The following MAPKAP1 variants were observed in gnomAD, a reference collection of about 807,000 sequenced individuals.
The protein encoded by MAPKAP1 is MAPK associated protein 1, also known as target of rapamycin complex 2 subunit MAPKAP1.
MAPKAP1 carries 20 observed loss-of-function variants against 65.7 expected under a neutral mutation model. The observed-to-expected ratio is 0.30, with a 90% CI of 0.21 to 0.44. The LOEUF is 0.44. Ranked by LOEUF, MAPKAP1 falls within the 20% of genes least tolerant of loss-of-function variation. MAPKAP1 has a pLI of 1.00. For missense variants in MAPKAP1, 423 were observed against 648.0 expected (o/e 0.65, Z 3.77); for synonymous variants, 222 against 244.3 (o/e 0.91, Z 0.85).
At chr9:125,631,713 A>T (rs1833287659) in intron 4 of MAPKAP1, among the ~76,000 whole-genome samples, 1 of 152,178 alleles carries the variant, frequency 6.6e-6, no homozygotes, top group Non-Finnish European at 1.5e-5. Context: ...CTCTGCTCTC[A>T]GCCTCCACAT....
intron 1 of MAPKAP1, among the ~76,000 whole-genome samples, chr9:125,680,169 T>C (rs1430499042): frequency 6.6e-6 from 1 of 152,042 alleles, no homozygotes; most frequent in African/African-American, 2.4e-5. Flanking sequence ...CTAATTCCTG[T>C]ACAGGAGTCC....
chr9:125,693,428 T>A (rs149612414), intron 1 of MAPKAP1, among the ~76,000 whole-genome samples: 16,561 of 112,484 alleles, frequency 0.15, 1,047 homozygotes, highest in African/African-American at 0.33. Context: ...AAAAAAAAAA[T>A]ATATATATAT....
intron 4 of MAPKAP1, among the ~76,000 whole-genome samples, chr9:125,597,012 C>A (rs867301308): frequency 6.7e-6 from 1 of 149,720 alleles, no homozygotes; most frequent in Non-Finnish European, 1.5e-5. Flanking sequence ...GCCTGTAATC[C>A]CAGCACTTTG....
chr9:125,440,328 C>T (rs999322899), intron 11 of MAPKAP1, among the ~76,000 whole-genome samples: 1 of 152,242 alleles, frequency 6.6e-6, no homozygotes, highest in Non-Finnish European at 1.5e-5. Flanking sequence ...GGTCACAAAG[C>T]TAGAAGGTGT....
Position 125,559,458 on chromosome 9 carries a change from G to A in MAPKAP1, c.848+175C>T, listed in dbSNP as rs950998708. On this transcript the variant is annotated intron_variant, in intron 6 of 11. Coordinates refer to ENST00000265960, the MANE Select transcript of MAPKAP1 (RefSeq NM_001006617.3). Reference sequence around the variant, plus strand: ...GCAGTCTGCGTAGCCTAGGTGCAGAGGCATGAAATACAATGCGAATGTCGT... The same window carrying A: ...GCAGTCTGCGTAGCCTAGGTGCAGAAGCATGAAATACAATGCGAATGTCGT... The A allele has an allele frequency of 6.9e-6, 4 of 581,304 alleles. No individual in the cohort carries two copies. In the South Asian group the frequency reaches 6.9e-5, roughly 10 times the overall value. 36.0% of individuals were successfully genotyped at this position (581,304 alleles called of 1,614,324 possible).
At position 125,595,833 on chromosome 9, in the gene MAPKAP1, G is replaced by A; in HGVS notation, c.499-10106C>T. ...GATTCCAACACCAAGCGTTCCGGGGGTTTTGGGTTTGTCACCTATGCCACT... is the reference window on the plus strand; with the variant it reads ...GATTCCAACACCAAGCGTTCCGGGGATTTTGGGTTTGTCACCTATGCCACT... On this transcript the variant is annotated intron_variant, in intron 4 of 11. Coordinates refer to ENST00000265960, the MANE Select transcript of MAPKAP1 (RefSeq NM_001006617.3). The surrounding 1 kb of genome is among the most constrained non-coding windows in gnomAD (Gnocchi z 4.0). 2 of 1,134,042 alleles carry A rather than the reference G, an allele frequency of 1.8e-6. No homozygotes were observed. Among genetic ancestry groups the A allele is most frequent in the Admixed American group, 1.7e-5 (1 of 59,192 alleles). The allele number at this position is 1,134,042 out of a possible 1,614,324, so 70.2% of individuals were successfully genotyped here. A position where few individuals can be genotyped will look rare whatever the true frequency, so the allele number is the denominator to read the frequency against.
intron 3 of MAPKAP1, among the ~76,000 whole-genome samples, chr9:125,666,563 G>A (rs117938996): frequency 0.022 from 3,378 of 152,302 alleles, 49 homozygotes; most frequent in Non-Finnish European, 0.034. Context: ...AGCTCCTCAG[G>A]AGGTTGACAC....
At chr9:125,663,365 T>A (rs1834244953) in intron 3 of MAPKAP1, among the ~76,000 whole-genome samples, 1 of 152,188 alleles carries the variant, frequency 6.6e-6, no homozygotes, top group Non-Finnish European at 1.5e-5. Context: ...GACTCACTCC[T>A]CCACTTCCTT....
chr9:125,612,030 C>A (rs1231117810), intron 4 of MAPKAP1, among the ~76,000 whole-genome samples: 1 of 152,130 alleles, frequency 6.6e-6, no homozygotes, highest in East Asian at 1.9e-4. Context: ...GTTGAGTAAC[C>A]CTAATCCAAA....
rs73591541 is a variant in MAPKAP1, at chr9:125,475,200, T to C, written c.1208-7091A>G. On this transcript the variant is annotated intron_variant, in intron 9 of 11. Coordinates refer to ENST00000265960, the MANE Select transcript of MAPKAP1 (RefSeq NM_001006617.3). ...ATGACAGAGCTGTAACCATAATTCA[T>C]ATCCCCATACTACCAGGCCAGGGCT... 2.4e-3 allele frequency among the ~76,000 whole-genome samples: 371 copies of C among 152,304 alleles called. 1 individual carries two copies. The highest frequency in any genetic ancestry group is 8.8e-3 in the African/African-American group (366 of 41,552).
chr9:125,477,966 G>T (rs1289281912), intron 9 of MAPKAP1: 13 of 152,200 alleles, frequency 8.5e-5, no homozygotes, highest in African/African-American at 2.7e-4. Context: ...CAGACAAGAT[G>T]AAATATTCCA....
intron 1 of MAPKAP1, among the ~76,000 whole-genome samples, chr9:125,693,668 T>TACACACAC (rs1564620117): frequency 7.7e-6 from 1 of 129,384 alleles, no homozygotes; most frequent in Admixed American, 7.9e-5. Flanking sequence ...TACACACACA[T>TACACACAC]ATACACGTAT....
intron 4 of MAPKAP1, among the ~76,000 whole-genome samples, chr9:125,648,132 A>T (rs1833783832): frequency 6.6e-6 from 1 of 152,144 alleles, no homozygotes; most frequent in Non-Finnish European, 1.5e-5. Flanking sequence ...CAACGACTGC[A>T]AGAGTCTAGG....
chr9:125,597,047 G>C (rs558075427), intron 4 of MAPKAP1, among the ~76,000 whole-genome samples: 30 of 151,112 alleles, frequency 2.0e-4, no homozygotes, highest in African/African-American at 7.0e-4. Flanking sequence ...CAGATCACGA[G>C]GTCAGGAGAT....
At position 125,625,101 on chromosome 9, in the gene MAPKAP1, G is replaced by T. The variant is rs1370940551; in HGVS notation, c.498+32550C>A. On this transcript the variant is annotated intron_variant, in intron 4 of 11. Coordinates refer to ENST00000265960, the MANE Select transcript of MAPKAP1 (RefSeq NM_001006617.3). The stretch of plus-strand genomic sequence containing the variant: ...TCAAGTACCCAGGGACACAAACGCT[G>T]CGGAAGGCCGCAGGGTCCTCTGCCT... 1.3e-4 allele frequency among the ~76,000 whole-genome samples: 11 copies of T among 86,278 alleles called. 2 individuals are homozygous for T. In the South Asian group the frequency reaches 5.9e-3, roughly 46 times the overall value. The allele number at this position is 86,278 out of a possible 152,430, so 56.6% of individuals were successfully genotyped here. A position where few individuals can be genotyped will look rare whatever the true frequency, so the allele number is the denominator to read the frequency against.
At chr9:125,585,436 G>C in intron 5 of MAPKAP1, 119 bp downstream of exon 5, 1 of 1,038,130 alleles carries the variant, frequency 9.6e-7, no homozygotes. Flanking sequence ...ACCCAGAGCT[G>C]GATCAGTGCA....
At chr9:125,685,170 A>C (rs746595616) in intron 1 of MAPKAP1, among the ~76,000 whole-genome samples, 3 of 152,092 alleles carry the variant, frequency 2.0e-5, no homozygotes, top group Non-Finnish European at 4.4e-5. Flanking sequence ...TCCTGCCCTC[A>C]TGGCAGGACA....
At chr9:125,476,683 TTTC>T (rs1231753365) in intron 9 of MAPKAP1, among the ~76,000 whole-genome samples, 1 of 152,190 alleles carries the variant, frequency 6.6e-6, no homozygotes, top group Non-Finnish European at 1.5e-5. Flanking sequence ...TGTTACCGTG[TTTC>T]TTAAGTTTGC....
intron 10 of MAPKAP1, among the ~76,000 whole-genome samples, 197 bp downstream of exon 10, chr9:125,467,775 C>A (rs140046191): frequency 6.6e-6 from 1 of 152,150 alleles, no homozygotes; most frequent in Non-Finnish European, 1.5e-5. Context: ...CCATCAAGAC[C>A]GAACAGGATG....
Sources: allele counts gnomAD v4.1 joint callset (sites outside exome capture counted in the v4.1 genomes callset), GRCh38; gene constraint gnomAD v4.1.1; non-coding constraint Gnocchi (gnomAD v3.1); transcripts MANE v1.5; gene names NCBI Gene and HGNC (gene_info 2026-07-23, HGNC 2026-07-21).